ANKFN1: variants seen among roughly 807,000 people sequenced by gnomAD.
The protein encoded by ANKFN1 is ankyrin repeat and fibronectin type-III domain-containing protein 1.
Under a neutral mutation model 108.7 loss-of-function variants are expected in ANKFN1, and 74 were observed. The ratio of observed to expected loss-of-function variants is 0.68; its 90% confidence interval spans 0.56 to 0.83. The LOEUF is 0.83. Ranked by LOEUF, ANKFN1 falls within the 40% of genes least tolerant of loss-of-function variation. The probability of loss-of-function intolerance (pLI) is 0.00; values close to 1 mark genes in which losing one functional copy is unlikely to be tolerated. For missense variants in ANKFN1, 1,505 were observed against 1,382.3 expected (o/e 1.09, Z -1.41); for synonymous variants, 547 against 516.2 (o/e 1.06, Z -0.81).
chr17:56,170,807 TAC>T (rs112596144), intron 1 of ANKFN1, among the ~76,000 whole-genome samples: 750 of 61,404 alleles, frequency 0.012, 20 homozygotes, highest in African/African-American at 0.041. Context: ...TATATATATA[TAC>T]ACACACACAC....
intron 8 of ANKFN1, among the ~76,000 whole-genome samples, chr17:56,408,860 A>G (rs2048000171): frequency 6.6e-6 from 1 of 152,208 alleles, no homozygotes; most frequent in Admixed American, 6.5e-5. Context: ...AAGTAAAAAC[A>G]ATAGAGTTAG....
chr17:56,360,657 T>C (rs796080316), intron 6 of ANKFN1, among the ~76,000 whole-genome samples: 1 of 152,208 alleles, frequency 6.6e-6, no homozygotes, highest in Non-Finnish European at 1.5e-5. Flanking sequence ...TTATCCCTTA[T>C]GAAAAGAATG....
In ANKFN1 at chr17:56,480,707, A is replaced by G; in HGVS notation, c.1980A>G (p.Glu660=). The change falls in exon 17 of 21, where the codon GAA becomes GAG. Residue 660 remains glutamate (E), a synonymous_variant. Transcript: ENST00000682825. ...WEWIQKLSGS[E]SMESVDHTSD... is the part of the protein sequence containing the mutation. ...GGATCCAAAAGCTTTCTGGCTCTGA[A>G]TCTATGGAAAGTGTGGATCATACTT... 1 of 1,614,054 alleles carries G rather than the reference A, an allele frequency of 6.2e-7. No homozygotes were observed. The highest frequency in any genetic ancestry group is 8.5e-7 in the Non-Finnish European group (1 of 1,179,956).
chr17:56,387,875 T>C (rs1191754616), intron 8 of ANKFN1, among the ~76,000 whole-genome samples: 1 of 152,192 alleles, frequency 6.6e-6, no homozygotes, highest in Non-Finnish European at 1.5e-5. Context: ...TTGTCTCTTG[T>C]AAAGGGTATA....
intron 4 of ANKFN1, among the ~76,000 whole-genome samples, chr17:56,145,908 AG>A (rs1274292143): frequency 6.6e-6 from 1 of 152,232 alleles, no homozygotes; most frequent in Non-Finnish European, 1.5e-5. Context: ...TTAACTCAAA[AG>A]TTCACAGTCC....
intron 4 of ANKFN1, among the ~76,000 whole-genome samples, chr17:56,145,044 G>A (rs545191569): frequency 3.2e-4 from 49 of 152,258 alleles, no homozygotes; most frequent in African/African-American, 1.0e-3. Flanking sequence ...GGCAGCTCAG[G>A]CCCTCATACC....
At chr17:56,079,148 G>T (rs1905215717) in intron 4 of ANKFN1, among the ~76,000 whole-genome samples, 1 of 152,188 alleles carries the variant, frequency 6.6e-6, no homozygotes, top group Non-Finnish European at 1.5e-5. Flanking sequence ...TTCTCATAAG[G>T]AGTGTGACGA....
intron 18 of ANKFN1, among the ~76,000 whole-genome samples, chr17:56,487,277 T>G: frequency 6.6e-6 from 1 of 152,186 alleles, no homozygotes; most frequent in East Asian, 1.9e-4. Flanking sequence ...TAATAAAGCA[T>G]GTTCCTGGGG....
chr17:56,110,516 C>A (rs1181195193), intron 4 of ANKFN1, among the ~76,000 whole-genome samples: 1 of 152,114 alleles, frequency 6.6e-6, no homozygotes, highest in Admixed American at 6.6e-5. Context: ...ATGACTTTTT[C>A]TCTTTTGCTC....
chr17:56,373,912 G>A (rs150490053), intron 7 of ANKFN1, among the ~76,000 whole-genome samples: 3 of 152,160 alleles, frequency 2.0e-5, no homozygotes, highest in South Asian at 2.1e-4. Context: ...CACCTTCTAC[G>A]TGTTAAGCAA....
chr17:56,212,836 C>T (rs1002533413), intron 2 of ANKFN1, among the ~76,000 whole-genome samples, 157 bp downstream of exon 2: 5 of 152,138 alleles, frequency 3.3e-5, no homozygotes, highest in African/African-American at 1.2e-4. Context: ...TGGAATTTAG[C>T]TGGTGTTTTT....
chr17:56,164,947 T>G (rs991827543), intron 1 of ANKFN1, among the ~76,000 whole-genome samples: 10 of 152,216 alleles, frequency 6.6e-5, no homozygotes, highest in Non-Finnish European at 1.0e-4. Context: ...TACACTGGAT[T>G]TAGAGCCAAA....
chr17:56,209,281 TAGAG>T (rs1185525611), intron 1 of ANKFN1, among the ~76,000 whole-genome samples: 3 of 152,024 alleles, frequency 2.0e-5, no homozygotes, highest in African/African-American at 4.8e-5. Flanking sequence ...TTTCAAAAGA[TAGAG>T]AAAGAGGAAA....
intron 2 of ANKFN1, among the ~76,000 whole-genome samples, chr17:56,223,428 T>G: frequency 6.6e-6 from 1 of 152,020 alleles, no homozygotes; most frequent in Middle Eastern, 3.4e-3. Context: ...TATAAAGAAA[T>G]CAAAACACAA....
chr17:56,121,898 A>G (rs1431313), intron 4 of ANKFN1, among the ~76,000 whole-genome samples: 89,869 of 152,006 alleles, frequency 0.59, 27,110 homozygotes, highest in East Asian at 0.81. Context: ...CTGGATCATG[A>G]CAAAGTTAGA....
At chr17:56,389,392 G>A (rs2047366885) in intron 8 of ANKFN1, among the ~76,000 whole-genome samples, 1 of 152,224 alleles carries the variant, frequency 6.6e-6, no homozygotes, top group Admixed American at 6.5e-5. Context: ...GCCAAGAGGA[G>A]AAGAGGGTGT....
chr17:56,227,744 C>T (rs1916389967), intron 2 of ANKFN1, among the ~76,000 whole-genome samples, 173 bp from the exon 3 acceptor site: 1 of 151,896 alleles, frequency 6.6e-6, no homozygotes, highest in Non-Finnish European at 1.5e-5. Flanking sequence ...TCTTTCTGGG[C>T]TACAGCCTCC....
intron 4 of ANKFN1, among the ~76,000 whole-genome samples, chr17:56,120,648 A>T (rs1393620267): frequency 6.6e-6 from 1 of 152,160 alleles, no homozygotes; most frequent in African/African-American, 2.4e-5. Flanking sequence ...TGATACGATG[A>T]GTAATTTACC....
chr17:56,344,181 T>A (rs1360459886), intron 4 of ANKFN1, among the ~76,000 whole-genome samples: 2 of 152,048 alleles, frequency 1.3e-5, no homozygotes, highest in Non-Finnish European at 2.9e-5. Flanking sequence ...TTATTAATGA[T>A]GTAGCAACTC....
Sources: gnomAD v4.1 joint callset for allele counts (sites outside exome capture counted in the v4.1 genomes callset) on GRCh38, gnomAD v4.1.1 for gene constraint, MANE v1.5 for transcripts, NCBI Gene and HGNC (gene_info 2026-07-23, HGNC 2026-07-21) for gene names.